The following MAP2K2 variants were observed in gnomAD, a reference collection of about 807,000 sequenced individuals.
The protein encoded by MAP2K2 is dual specificity mitogen-activated protein kinase kinase 2.
Under a neutral mutation model 43.7 loss-of-function variants are expected in MAP2K2, and 24 were observed. The ratio of observed to expected loss-of-function variants is 0.55; its 90% CI spans 0.40 to 0.77. The LOEUF is 0.77. Among genes scored for constraint, MAP2K2 ranks in the 30% least tolerant of loss-of-function variants. The probability of loss-of-function intolerance (pLI) is 0.00; values close to 1 mark genes in which losing one functional copy is unlikely to be tolerated. For synonymous variants in MAP2K2, 244 were observed against 239.7 expected (o/e 1.02, Z -0.17); for missense variants, 470 against 566.8 (o/e 0.83, Z 1.73).
intron 7 of MAP2K2, 85 bp downstream of exon 7, chr19:4,099,116 G>A: frequency 1.7e-6 from 2 of 1,181,622 alleles, no homozygotes; most frequent in Non-Finnish European, 2.4e-6. Flanking sequence ...CAGGGGCAGA[G>A]GGGAGGCAGC....
chr19:4,091,688 G>A (rs985055106), intron 10 of MAP2K2, among the ~76,000 whole-genome samples: 1 of 151,528 alleles, frequency 6.6e-6, no homozygotes, highest in Non-Finnish European at 1.5e-5. Flanking sequence ...TTGCTCTGTC[G>A]CACAGGCTGG....
intron 3 of MAP2K2, among the ~76,000 whole-genome samples, chr19:4,107,661 C>T (rs2145065539): frequency 6.6e-6 from 1 of 151,822 alleles, no homozygotes; most frequent in Non-Finnish European, 1.5e-5. Flanking sequence ...GAGCTAGGAT[C>T]ATGCCACTGC....
intron 9 of MAP2K2, 32 bp from the exon 10 acceptor site, chr19:4,094,530 G>A (rs753404995): frequency 2.7e-5 from 42 of 1,557,312 alleles, no homozygotes; most frequent in Middle Eastern, 1.7e-4. Flanking sequence ...ACCGGGAGGC[G>A]GTGGAGGAGA....
chr19:4,110,775 C>T (rs150443741), intron 2 of MAP2K2, 120 bp from the exon 3 acceptor site: 99 of 1,022,194 alleles, frequency 9.7e-5, no homozygotes, highest in Middle Eastern at 2.2e-4. Context: ...GTACCCCCTC[C>T]GCAATTCCAC....
At chr19:4,096,115 T>C (rs971279430) in intron 8 of MAP2K2, among the ~76,000 whole-genome samples, 1 of 152,226 alleles carries the variant, frequency 6.6e-6, no homozygotes, top group African/African-American at 2.4e-5. Flanking sequence ...CTGGGGAGCC[T>C]GGCCTGACAC....
chr19:4,111,981 C>CA (rs1222966281), intron 2 of MAP2K2, among the ~76,000 whole-genome samples: 3 of 130,436 alleles, frequency 2.3e-5, no homozygotes, highest in African/African-American at 9.2e-5. Flanking sequence ...AACAAAACAA[C>CA]AACAACAACA....
intron 4 of MAP2K2, 108 bp downstream of exon 4, chr19:4,102,268 C>T (rs956637340): frequency 1.0e-4 from 100 of 955,582 alleles, no homozygotes; most frequent in South Asian, 4.7e-4. Flanking sequence ...TCTGCAGGGG[C>T]CACCCTAACC....
chr19:4,099,296 AGCTCTTTGGCGTCGG>A lies in MAP2K2; in HGVS notation c.809_823del (p.Pro270_Glu274del). On this transcript the variant is annotated inframe_deletion, in exon 7 of 11. Coordinates refer to ENST00000262948, the MANE Select transcript of MAP2K2 (RefSeq NM_030662.4). Reference sequence around the variant, plus strand: ...CACGGGCCGGCCAAAGATGGCCTCCAGCTCTTTGGCGTCGGGCGGGGGGATGGGGTACCTTCCGAC... The same window carrying A: ...CACGGGCCGGCCAAAGATGGCCTCCAGCGGGGGGATGGGGTACCTTCCGAC... The A allele has an allele frequency of 6.2e-7, 1 of 1,607,658 alleles. No homozygotes were observed. The highest frequency in any genetic ancestry group is 8.5e-7 in the Non-Finnish European group (1 of 1,177,488).
chr19:4,096,703 A>T (rs889698692), intron 8 of MAP2K2, among the ~76,000 whole-genome samples: 17 of 152,152 alleles, frequency 1.1e-4, no homozygotes, highest in African/African-American at 3.6e-4. Context: ...GGGGTGATTT[A>T]TGAGTCCACG....
At chr19:4,113,947 G>C (rs1202797972) in intron 2 of MAP2K2, among the ~76,000 whole-genome samples, 1 of 152,200 alleles carries the variant, frequency 6.6e-6, no homozygotes, top group African/African-American at 2.4e-5. Context: ...GTAGCCAAGA[G>C]TCACGTGCAG....
chr19:4,113,654 TA>T (rs1486507750), intron 2 of MAP2K2, among the ~76,000 whole-genome samples: 2 of 152,218 alleles, frequency 1.3e-5, no homozygotes, highest in Non-Finnish European at 2.9e-5. Flanking sequence ...GTGCCAGCTC[TA>T]ATAGCTGATT....
chr19:4,120,057 G>C (rs942256993), intron 1 of MAP2K2, among the ~76,000 whole-genome samples: 2 of 152,190 alleles, frequency 1.3e-5, no homozygotes, highest in East Asian at 3.8e-4. Context: ...TCTCACCATC[G>C]TCCCCGGAGG....
intron 4 of MAP2K2, 89 bp downstream of exon 4, chr19:4,102,284 CACA>C: frequency 8.8e-7 from 1 of 1,137,200 alleles, no homozygotes; most frequent in Non-Finnish European, 1.3e-6. Flanking sequence ...TAACCCCCAC[CACA>C]CTGTGAGTGG....
intron 3 of MAP2K2, among the ~76,000 whole-genome samples, chr19:4,107,542 A>C (rs1255204920): frequency 6.6e-6 from 1 of 151,022 alleles, no homozygotes; most frequent in Non-Finnish European, 1.5e-5. Context: ...AAAAAAAAAA[A>C]AAAACAAACT....
At position 4,115,515 on chromosome 19, in the gene MAP2K2, C is replaced by T. The variant is rs182918205; in HGVS notation, c.303+1904G>A. On this transcript the variant is annotated intron_variant, in intron 2 of 10. Transcript: ENST00000262948. This position sits in a 1 kb window ranked among gnomAD's most constrained non-coding sequence, Gnocchi z 4.1. Reference sequence around the variant, plus strand: ...TGTGAACCACACGCTTGCCTTTTTCCACCCAGTGCTTCGGGCGGAGGCGGA... The same window carrying T: ...TGTGAACCACACGCTTGCCTTTTTCTACCCAGTGCTTCGGGCGGAGGCGGA... 7.4e-4 allele frequency among the ~76,000 whole-genome samples: 113 copies of T among 152,322 alleles called. 2 individuals are homozygous for T. The highest frequency in any genetic ancestry group is 2.6e-3 in the African/African-American group (108 of 41,574).
rs1457644550 is a variant in MAP2K2 at position 4,117,514 on chromosome 19, C to G, written c.208G>C (p.Asp70His). Residue 70 changes from aspartate to histidine, a missense_variant, in exon 2 of 11, where the codon GAT (aspartate) becomes CAT (histidine). Physicochemically the swap from Asp to His is moderately conservative, Grantham distance 81 (BLOSUM62 -1). Transcript: ENST00000262948. Reference protein sequence around the residue: ...QKAKVGELKDDDFERISELGA... With the variant: ...QKAKVGELKDHDFERISELGA... The stretch of plus-strand genomic sequence containing the variant: ...AGCTCTGAGATCCTTTCGAAGTCAT[C>G]GTCTTTGAGTTCGCCGACCTTGGCT... The G allele has an allele frequency of 1.2e-6, 2 of 1,614,200 alleles. No homozygotes were observed.
intron 9 of MAP2K2, 200 bp from the exon 10 acceptor site, chr19:4,094,698 A>G: frequency 1.7e-6 from 1 of 603,286 alleles, no homozygotes; most frequent in South Asian, 1.9e-5. Flanking sequence ...CTTTGGTGCC[A>G]GGGGCAGGAC....
In MAP2K2 at chr19:4,109,989, G is replaced by A. The variant is rs928303199; in HGVS notation, c.450+520C>T. Among the ~76,000 whole-genome samples, 12 of 152,254 alleles carry A rather than the reference G, an allele frequency of 7.9e-5. No homozygotes were observed. The South Asian group carries it at 2.5e-3, about 32-fold the overall frequency. On this transcript the variant is annotated intron_variant, in intron 3 of 10. Transcript: ENST00000262948. ...AGCAAGAGAAAAAGCAAAGCTGGGAGGAAGACATGAGTGCTTAAAAAACAA... is the reference window on the plus strand; with the variant it reads ...AGCAAGAGAAAAAGCAAAGCTGGGAAGAAGACATGAGTGCTTAAAAAACAA...
In MAP2K2 at chr19:4,115,300, C is replaced by A. The variant is rs965350987; in HGVS notation, c.303+2119G>T. The stretch of plus-strand genomic sequence containing the variant: ...AAAGGCCCCGATCTCCCTTTCCCCG[C>A]TACAGTAAAGCTGCAGGTGGGCCCG... On this transcript the variant is annotated intron_variant, in intron 2 of 10. Transcript: ENST00000262948. The surrounding 1 kb of genome is among the most constrained non-coding windows in gnomAD (Gnocchi z 4.1). Among the ~76,000 whole-genome samples, 1 of 152,198 alleles carries A rather than the reference C, an allele frequency of 6.6e-6. No individual in the cohort carries two copies. Among genetic ancestry groups the A allele is most frequent in the African/African-American group, 2.4e-5 (1 of 41,460 alleles).
Sources: allele counts gnomAD v4.1 joint callset (sites outside exome capture counted in the v4.1 genomes callset), GRCh38; gene constraint gnomAD v4.1.1; non-coding constraint Gnocchi (gnomAD v3.1); transcripts MANE v1.5; gene names NCBI Gene and HGNC (gene_info 2026-07-23, HGNC 2026-07-21).